The following OR9Q1 variants were observed in gnomAD, a reference collection of about 807,000 sequenced individuals.
OR9Q1 encodes the protein olfactory receptor family 9 subfamily Q member 1.
For synonymous variants in OR9Q1, 153 were observed against 148.6 expected (o/e 1.03, Z -0.22); for missense variants, 374 against 378.8 (o/e 0.99, Z 0.11).
intron 2 of OR9Q1, among the ~76,000 whole-genome samples, chr11:58,091,982 C>G (rs568170068): frequency 1.4e-5 from 2 of 145,500 alleles, no homozygotes; most frequent in Non-Finnish European, 3.1e-5. Flanking sequence ...TTTTTTTTTG[C>G]TTTCCATTTG....
At chr11:58,104,415 C>A (rs1430792112) in intron 2 of OR9Q1, among the ~76,000 whole-genome samples, 1 of 151,256 alleles carries the variant, frequency 6.6e-6, no homozygotes, top group Admixed American at 6.6e-5. Context: ...CCTAAAATTG[C>A]TTTTTCCCAA....
intron 1 of OR9Q1, among the ~76,000 whole-genome samples, chr11:58,027,830 C>G (rs1852990673): frequency 6.6e-6 from 1 of 152,222 alleles, no homozygotes; most frequent in African/African-American, 2.4e-5. Flanking sequence ...AGAGCAGATC[C>G]TTTCAATGTA....
At chr11:58,026,374 G>T (rs1026279340) in intron 1 of OR9Q1, among the ~76,000 whole-genome samples, 2 of 152,166 alleles carry the variant, frequency 1.3e-5, no homozygotes, top group Admixed American at 6.5e-5. Context: ...TGGTACATGT[G>T]CAGGCTTGTT....
At chr11:58,116,266 C>G (rs148379870) in intron 2 of OR9Q1, among the ~76,000 whole-genome samples, 1 of 152,102 alleles carries the variant, frequency 6.6e-6, no homozygotes, top group African/African-American at 2.4e-5. Context: ...AAAGAAAAAC[C>G]GAAGGAAAGT....
Position 58,179,589 on chromosome 11 carries a change from A to G in OR9Q1, c.145A>G (p.Ile49Val). Residue 49 changes from isoleucine to valine, a missense_variant, in exon 3 of 3, where the codon ATC (isoleucine) becomes GTC (valine). Coordinates refer to ENST00000335397, the MANE Select transcript of OR9Q1 (RefSeq NM_001005212.4). ...VLGNLEMIIL[I>V]LMDHQLHAPM... ...GGGGAACTTAGAGATGATTATTCTG[A>G]TCCTCATGGATCACCAGCTCCACGC... 1 of 1,613,608 alleles carries G rather than the reference A, an allele frequency of 6.2e-7. No individual in the cohort carries two copies. Among genetic ancestry groups the G allele is most frequent in the Non-Finnish European group, 8.5e-7 (1 of 1,179,782 alleles).
chr11:58,048,700 T>C, intron 1 of OR9Q1, among the ~76,000 whole-genome samples: 1 of 121,890 alleles, frequency 8.2e-6, no homozygotes, highest in Non-Finnish European at 1.8e-5. Context: ...ATATATTTTT[T>C]AGCAAGACTA....
intron 2 of OR9Q1, among the ~76,000 whole-genome samples, chr11:58,091,096 T>C (rs999514268): frequency 2.1e-4 from 32 of 152,088 alleles, no homozygotes; most frequent in African/African-American, 7.5e-4. Flanking sequence ...AAAAACAAGC[T>C]CCAGGATTCA....
chr11:58,141,167 G>A lies in OR9Q1; in HGVS notation c.-14-38264G>A, dbSNP rs555563416. 9.8e-5 allele frequency among the ~76,000 whole-genome samples: 15 copies of A among 152,292 alleles called. No homozygotes were observed. The East Asian group carries it at 1.9e-3, about 20-fold the overall frequency. On this transcript the variant is annotated intron_variant, in intron 2 of 2. Coordinates refer to ENST00000335397, the MANE Select transcript of OR9Q1 (RefSeq NM_001005212.4). ...TATACAATCATGTCATCTGCAAACA[G>A]GGACAATTTGACTTCCTCTTTTCCT...
intron 2 of OR9Q1, chr11:58,145,497 G>T (rs1365243746): frequency 6.6e-6 from 1 of 152,150 alleles, no homozygotes; most frequent in Non-Finnish European, 1.5e-5. Flanking sequence ...CTTAACACAT[G>T]AGCCAGATCT....
At chr11:58,179,178 A>C (rs1854635448) in intron 2 of OR9Q1, among the ~76,000 whole-genome samples, 1 of 151,396 alleles carries the variant, frequency 6.6e-6, no homozygotes, top group South Asian at 2.1e-4. Flanking sequence ...GCTCACCACC[A>C]TGCATGGCTA....
chr11:58,175,338 G>T (rs181320858), intron 2 of OR9Q1, among the ~76,000 whole-genome samples: 2 of 151,882 alleles, frequency 1.3e-5, no homozygotes, highest in Non-Finnish European at 2.9e-5. Context: ...TATCCCTTGG[G>T]CTCTCCTGCC....
At chr11:58,151,765 G>T (rs1184307162) in intron 2 of OR9Q1, among the ~76,000 whole-genome samples, 1 of 147,998 alleles carries the variant, frequency 6.8e-6, no homozygotes, top group Non-Finnish European at 1.5e-5. Context: ...TTAGTTTTCG[G>T]CCCCCAGACC....
At chr11:58,033,416 T>C (rs960003594) in intron 1 of OR9Q1, among the ~76,000 whole-genome samples, 1 of 152,230 alleles carries the variant, frequency 6.6e-6, no homozygotes, top group Admixed American at 6.5e-5. Context: ...TGGAATACTA[T>C]GCAGACATGA....
chr11:58,120,489 A>T (rs989677013), intron 2 of OR9Q1, among the ~76,000 whole-genome samples: 1 of 151,930 alleles, frequency 6.6e-6, no homozygotes. Context: ...TTTGGGGAAC[A>T]GTTGATATTT....
At chr11:58,082,827 G>A (rs1393204071) in intron 2 of OR9Q1, among the ~76,000 whole-genome samples, 1 of 146,858 alleles carries the variant, frequency 6.8e-6, no homozygotes, top group Non-Finnish European at 1.5e-5. Flanking sequence ...TAAGTTTTAG[G>A]GTATATGTGC....
intron 2 of OR9Q1, among the ~76,000 whole-genome samples, chr11:58,075,596 T>G (rs1408441577): frequency 6.6e-6 from 1 of 152,216 alleles, no homozygotes; most frequent in Non-Finnish European, 1.5e-5. Context: ...GTCTCTTTCT[T>G]TGACTTGAAG....
intron 2 of OR9Q1, among the ~76,000 whole-genome samples, chr11:58,154,508 A>G (rs1380978856): frequency 6.6e-6 from 1 of 152,072 alleles, no homozygotes; most frequent in African/African-American, 2.4e-5. Context: ...TTAAATGCAC[A>G]GCCCAAGAGA....
chr11:58,153,128 T>G (rs981944268), intron 2 of OR9Q1, among the ~76,000 whole-genome samples: 1 of 152,184 alleles, frequency 6.6e-6, no homozygotes, highest in Admixed American at 6.5e-5. Context: ...TTTTATCCTC[T>G]AAAAGAAATA....
intron 2 of OR9Q1, among the ~76,000 whole-genome samples, chr11:58,146,066 A>C (rs568045407): frequency 1.7e-4 from 26 of 152,324 alleles, no homozygotes; most frequent in South Asian, 1.2e-3. Context: ...AAAAAGAAGG[A>C]TGTAATGATT....
Sources: allele counts gnomAD v4.1 joint callset (sites outside exome capture counted in the v4.1 genomes callset), GRCh38; gene constraint gnomAD v4.1.1; transcripts MANE v1.5; gene names NCBI Gene and HGNC (gene_info 2026-07-23, HGNC 2026-07-21).